The following RPS6KC1 variants were observed in gnomAD, a reference collection of about 807,000 sequenced individuals.
RPS6KC1 encodes the protein inactive ribosomal protein S6 kinase delta-1.
RPS6KC1 carries 54 observed loss-of-function variants against 103.8 expected under a neutral mutation model. That is an observed-to-expected ratio of 0.52 (90% CI 0.42 to 0.65). The LOEUF (loss-of-function observed/expected upper bound fraction) is 0.65. Among genes scored for constraint, RPS6KC1 ranks in the 30% least tolerant of loss-of-function variants. The pLI, the probability that RPS6KC1 is intolerant of heterozygous loss-of-function variation, is 0.00. For synonymous variants in RPS6KC1, 439 were observed against 438.7 expected, an observed-to-expected ratio of 1.00 and a Z score of -0.01; for missense variants, 1,151 against 1,253.8, an observed-to-expected ratio of 0.92 and a Z score of 1.24.
the RPS6KC1 span, among the ~76,000 whole-genome samples, chr1:213,793,228 T>G: frequency 6.6e-6 from 1 of 152,202 alleles, no homozygotes; most frequent in Non-Finnish European, 1.5e-5. Flanking sequence ...GACCTGGGCT[T>G]GCTCCAGCCT....
At chr1:213,417,305 G>T in the RPS6KC1 span, among the ~76,000 whole-genome samples, 1 of 152,180 alleles carries the variant, frequency 6.6e-6, no homozygotes, top group African/African-American at 2.4e-5. Flanking sequence ...TTACTAGATT[G>T]GTTCTCTCTC....
the RPS6KC1 span, among the ~76,000 whole-genome samples, chr1:213,630,815 G>T: frequency 6.6e-6 from 1 of 152,216 alleles, no homozygotes; most frequent in African/African-American, 2.4e-5. Flanking sequence ...TCAGCTGCAG[G>T]TCTATTGGAG....
chr1:213,613,932 CA>C, the RPS6KC1 span, among the ~76,000 whole-genome samples: 2 of 152,336 alleles, frequency 1.3e-5, no homozygotes, highest in African/African-American at 4.8e-5. Flanking sequence ...TTCACAGCTG[CA>C]AGGAATAAAT....
At chr1:213,084,735 G>A (rs1487671795) in intron 3 of RPS6KC1, among the ~76,000 whole-genome samples, 1 of 150,738 alleles carries the variant, frequency 6.6e-6, no homozygotes, top group Non-Finnish European at 1.5e-5. Flanking sequence ...TCATTATATT[G>A]GCATTTTTGA....
At chr1:213,192,950 C>T (rs1391874643) in intron 8 of RPS6KC1, among the ~76,000 whole-genome samples, 1 of 152,098 alleles carries the variant, frequency 6.6e-6, no homozygotes, top group Admixed American at 6.5e-5. Context: ...TGTGGACCCA[C>T]TGGCCATTCA....
chr1:213,545,424 AT>A, the RPS6KC1 span, among the ~76,000 whole-genome samples: 3,213 of 81,976 alleles, frequency 0.039, 64 homozygotes, highest in Non-Finnish European at 0.062. Flanking sequence ...ATAAAATAAA[AT>A]AAAATAAAAG....
chr1:213,438,076 G>GT, the RPS6KC1 span, among the ~76,000 whole-genome samples: 1 of 151,668 alleles, frequency 6.6e-6, no homozygotes, highest in Non-Finnish European at 1.5e-5. Context: ...ATCTAATCTG[G>GT]TGTTCAACTC....
chr1:213,152,021 A>G (rs1242480899), intron 6 of RPS6KC1, among the ~76,000 whole-genome samples: 1 of 67,292 alleles, frequency 1.5e-5, no homozygotes, highest in Non-Finnish European at 2.9e-5. Context: ...GGCGCCCCTC[A>G]CCTCCCGGAC....
the RPS6KC1 span, among the ~76,000 whole-genome samples, chr1:213,763,160 TA>T: frequency 6.6e-6 from 1 of 152,128 alleles, no homozygotes. Flanking sequence ...AGCCTGGCCT[TA>T]AGGGTAATTT....
At chr1:213,405,406 G>T in the RPS6KC1 span, among the ~76,000 whole-genome samples, 9 of 152,330 alleles carry the variant, frequency 5.9e-5, no homozygotes, top group South Asian at 1.9e-3. Flanking sequence ...CCATGGCAGG[G>T]ATCCTGAAAG....
intron 3 of RPS6KC1, among the ~76,000 whole-genome samples, chr1:213,089,434 A>C (rs536304536): frequency 1.3e-5 from 2 of 149,270 alleles, no homozygotes; most frequent in South Asian, 4.2e-4. Flanking sequence ...CATTGCAACT[A>C]CTACCTCTTT....
At chr1:213,600,335 C>A in the RPS6KC1 span, among the ~76,000 whole-genome samples, 4 of 152,288 alleles carry the variant, frequency 2.6e-5, no homozygotes, top group East Asian at 7.7e-4. Flanking sequence ...CAAAACAGTC[C>A]ACACACCACA....
the RPS6KC1 span, among the ~76,000 whole-genome samples, chr1:213,729,189 G>A: frequency 3.3e-5 from 5 of 152,034 alleles, no homozygotes; most frequent in Admixed American, 2.6e-4. Flanking sequence ...ATTTCCCTAG[G>A]AGCCAGAGTC....
At chr1:213,759,994 C>G in the RPS6KC1 span, among the ~76,000 whole-genome samples, 2 of 152,334 alleles carry the variant, frequency 1.3e-5, no homozygotes, top group Admixed American at 6.5e-5. Context: ...CATGTGCTCT[C>G]TTTCCCCCTC....
the RPS6KC1 span, among the ~76,000 whole-genome samples, chr1:213,797,617 T>C: frequency 0.15 from 22,743 of 152,212 alleles, 2,607 homozygotes; most frequent in African/African-American, 0.32. Context: ...CCAGTGCCTA[T>C]GGAAATGAAA....
the RPS6KC1 span, among the ~76,000 whole-genome samples, chr1:213,431,998 C>T: frequency 1.3e-5 from 2 of 152,184 alleles, no homozygotes; most frequent in Non-Finnish European, 2.9e-5. Flanking sequence ...ATGGCAGGGG[C>T]ATACTGTATC....
chr1:213,475,116 T>A, the RPS6KC1 span, among the ~76,000 whole-genome samples: 1 of 152,146 alleles, frequency 6.6e-6, no homozygotes, highest in Non-Finnish European at 1.5e-5. Context: ...GCGGGGCCGT[T>A]TTATTGGACA....
the RPS6KC1 span, among the ~76,000 whole-genome samples, chr1:213,500,422 T>C: frequency 2.2e-3 from 334 of 152,276 alleles, 2 homozygotes; most frequent in South Asian, 9.1e-3. Flanking sequence ...TGAGGCTCTT[T>C]TATAGTTAAC....
At chr1:213,282,311 A>G in the RPS6KC1 span, among the ~76,000 whole-genome samples, 184 of 152,316 alleles carry the variant, frequency 1.2e-3, no homozygotes, top group African/African-American at 4.4e-3. Context: ...CTGTTTTGCA[A>G]AAGTTTCTGT....
Sources: gnomAD v4.1 joint callset for allele counts (sites outside exome capture counted in the v4.1 genomes callset) on GRCh38, gnomAD v4.1.1 for gene constraint, MANE v1.5 for transcripts, NCBI Gene and HGNC (gene_info 2026-07-23, HGNC 2026-07-21) for gene names.